Variants in TDRD3 observed in about 807,000 individuals in gnomAD.
The protein encoded by TDRD3 is tudor domain containing 3.
Under a neutral mutation model 86.7 loss-of-function variants are expected in TDRD3, and 45 were observed. The observed-to-expected ratio is 0.52, with a 90% CI of 0.41 to 0.67. The LOEUF is 0.67. Among genes scored for constraint, TDRD3 ranks in the 30% least tolerant of loss-of-function variants. The pLI is 0.00. For missense variants in TDRD3, 814 were observed against 889.0 expected, an observed-to-expected ratio of 0.92 and a Z score of 1.07; for synonymous variants, 298 against 301.7, an observed-to-expected ratio of 0.99 and a Z score of 0.13.
At chr13:60,465,878 G>A (rs1164392073) in intron 4 of TDRD3, among the ~76,000 whole-genome samples, 1 of 152,126 alleles carries the variant, frequency 6.6e-6, no homozygotes, top group Non-Finnish European at 1.5e-5. Context: ...ACTTCTTGCT[G>A]TATGTGAGAA....
At chr13:60,499,467 T>G (rs141466132) in intron 8 of TDRD3, among the ~76,000 whole-genome samples, 2 of 152,266 alleles carry the variant, frequency 1.3e-5, no homozygotes, top group Non-Finnish European at 2.9e-5. Flanking sequence ...ATACCTTTAC[T>G]GTCCTTCCTC....
chr13:60,511,000 A>C, intron 10 of TDRD3, among the ~76,000 whole-genome samples: 1 of 152,240 alleles, frequency 6.6e-6, no homozygotes, highest in South Asian at 2.1e-4. Context: ...AAATTTGCTC[A>C]TATCTAGATG....
Position 60,564,108 on chromosome 13 carries a change from ATTAG to A in TDRD3, c.2119-3413_2119-3410del, listed in dbSNP as rs1252336400. Among the ~76,000 whole-genome samples, 8 of 152,334 alleles carry A rather than the reference ATTAG, an allele frequency of 5.3e-5. No individual in the cohort carries two copies. The South Asian group carries it at 1.0e-3, about 20-fold the overall frequency. On this transcript the variant is annotated intron_variant, in intron 12 of 13. Transcript: ENST00000377881. ...ATTAGTATAAAAGCTCATATTGAGT[ATTAG>A]TTATTTAGTTTTATAAAACCTATCT...
At chr13:60,474,501 CTG>C (rs1413261569) in intron 5 of TDRD3, among the ~76,000 whole-genome samples, 1 of 152,186 alleles carries the variant, frequency 6.6e-6, no homozygotes, top group Non-Finnish European at 1.5e-5. Context: ...TACTATATGA[CTG>C]TGTTTTTGTT....
chr13:60,428,573 G>A (rs1954870566), intron 1 of TDRD3, among the ~76,000 whole-genome samples: 1 of 152,156 alleles, frequency 6.6e-6, no homozygotes, highest in Non-Finnish European at 1.5e-5. Context: ...AGTGCAGTGG[G>A]GGTACAGAAG....
intron 10 of TDRD3, among the ~76,000 whole-genome samples, chr13:60,520,406 G>A (rs1024782945): frequency 6.6e-6 from 1 of 152,096 alleles, no homozygotes; most frequent in Non-Finnish European, 1.5e-5. Flanking sequence ...AGTTAAGCAG[G>A]TTTCTAGCCC....
At chr13:60,502,408 CTA>C (rs1229578165) in intron 8 of TDRD3, among the ~76,000 whole-genome samples, 1 of 152,224 alleles carries the variant, frequency 6.6e-6, no homozygotes, top group Admixed American at 6.5e-5. Context: ...TTTTCTCTCT[CTA>C]GTCCTTATTT....
intron 9 of TDRD3, 89 bp downstream of exon 9, chr13:60,510,008 G>C (rs1957023638): frequency 6.8e-7 from 1 of 1,472,250 alleles, no homozygotes; most frequent in Middle Eastern, 2.0e-4. Context: ...TTCTGTGAGG[G>C]CTGTAATTTT....
At chr13:60,438,118 C>T (rs1955167075) in intron 1 of TDRD3, among the ~76,000 whole-genome samples, 1 of 152,056 alleles carries the variant, frequency 6.6e-6, no homozygotes, top group Non-Finnish European at 1.5e-5. Flanking sequence ...TTTTACTAAT[C>T]TTGTTACTGA....
At chr13:60,452,178 C>T (rs1446036164) in intron 3 of TDRD3, among the ~76,000 whole-genome samples, 3 of 152,110 alleles carry the variant, frequency 2.0e-5, no homozygotes, top group Admixed American at 6.6e-5. Flanking sequence ...GGGTATATCT[C>T]TTCCTTTATT....
intron 10 of TDRD3, among the ~76,000 whole-genome samples, chr13:60,523,573 C>CT (rs67692021): frequency 0.015 from 1,579 of 105,040 alleles, 35 homozygotes; most frequent in South Asian, 0.02. Context: ...ATACATTTTT[C>CT]TTTTTTTTTT....
At chr13:60,446,262 G>T (rs538124743) in intron 3 of TDRD3, among the ~76,000 whole-genome samples, 64 of 152,000 alleles carry the variant, frequency 4.2e-4, no homozygotes, top group African/African-American at 1.4e-3. Context: ...TTGCTCTGTT[G>T]CCCAGGCTGG....
At chr13:60,523,406 T>C (rs973206963) in intron 10 of TDRD3, among the ~76,000 whole-genome samples, 1 of 152,138 alleles carries the variant, frequency 6.6e-6, no homozygotes, top group Non-Finnish European at 1.5e-5. Context: ...CTCACAAACA[T>C]ACATTTTGAA....
chr13:60,488,821 C>T (rs745904840), intron 7 of TDRD3, among the ~76,000 whole-genome samples: 36 of 152,192 alleles, frequency 2.4e-4, no homozygotes, highest in Non-Finnish European at 4.0e-4. Context: ...TCAGGTGATC[C>T]GCTCACTTTG....
chr13:60,563,963 C>T (rs1186483197), intron 12 of TDRD3, among the ~76,000 whole-genome samples: 1 of 152,146 alleles, frequency 6.6e-6, no homozygotes, highest in Non-Finnish European at 1.5e-5. Context: ...TTGTGTATCT[C>T]CTTTTTGCAT....
chr13:60,469,343 A>AAG (rs1956023049), intron 5 of TDRD3, among the ~76,000 whole-genome samples: 1 of 151,974 alleles, frequency 6.6e-6, no homozygotes, highest in South Asian at 2.1e-4. Context: ...TACCTTATAT[A>AAG]ATTTTCCCAC....
intron 7 of TDRD3, among the ~76,000 whole-genome samples, chr13:60,490,573 T>C (rs1956564186): frequency 6.6e-6 from 1 of 152,166 alleles, no homozygotes; most frequent in African/African-American, 2.4e-5. Context: ...AGCACAGCAA[T>C]AACCTCAGCT....
chr13:60,479,607 T>C (rs778675881), intron 5 of TDRD3, among the ~76,000 whole-genome samples: 26 of 152,216 alleles, frequency 1.7e-4, no homozygotes, highest in Non-Finnish European at 3.5e-4. Context: ...TTGAAATCTC[T>C]CACTATTATT....
At chr13:60,504,519 A>G (rs533002302) in intron 8 of TDRD3, among the ~76,000 whole-genome samples, 10 of 152,362 alleles carry the variant, frequency 6.6e-5, no homozygotes, top group African/African-American at 2.4e-4. Flanking sequence ...ACATATTTGC[A>G]TTTTGATGAC....
Sources: gnomAD v4.1 joint callset for allele counts (sites outside exome capture counted in the v4.1 genomes callset) on GRCh38, gnomAD v4.1.1 for gene constraint, MANE v1.5 for transcripts, NCBI Gene and HGNC (gene_info 2026-07-23, HGNC 2026-07-21) for gene names.